Variants in RBFOX1 observed in about 807,000 individuals in gnomAD.
RBFOX1 encodes the protein RNA binding fox-1 homolog 1.
In RBFOX1, 8 loss-of-function variants were observed where a neutral mutation model predicts 57.7. The observed-to-expected ratio is 0.14, with a 90% CI of 0.08 to 0.25. RBFOX1 has a LOEUF of 0.25. Among genes scored for constraint, RBFOX1 ranks in the 10% least tolerant of loss-of-function variants. The pLI, the probability that RBFOX1 is intolerant of heterozygous loss-of-function variation, is 1.00. For missense variants in RBFOX1, 611 were observed against 548.5 expected, an observed-to-expected ratio of 1.11 and a Z score of -1.14; for synonymous variants, 326 against 222.4, an observed-to-expected ratio of 1.47 and a Z score of -4.15.
intron 4 of RBFOX1, among the ~76,000 whole-genome samples, chr16:7,352,249 G>A (rs1250008840): frequency 6.6e-6 from 1 of 152,180 alleles, no homozygotes; most frequent in African/African-American, 2.4e-5. Flanking sequence ...ACTGGATACA[G>A]CTGTGCAGTG....
rs76566679 is a variant in RBFOX1, at chr16:7,111,073, G to C, written c.27+58975G>C. Among the ~76,000 whole-genome samples, 64 of 152,238 alleles carry C rather than the reference G, an allele frequency of 4.2e-4. No individual in the cohort carries two copies. The East Asian group carries it at 0.012, about 28-fold the overall frequency. ...TAAGAAAAAATACTGTTTTTGAAAAGCCAAATAACTGTGGTTCACTATGTC... is the reference window on the plus strand; with the variant it reads ...TAAGAAAAAATACTGTTTTTGAAAACCCAAATAACTGTGGTTCACTATGTC... On this transcript the variant is annotated intron_variant, in intron 4 of 15. Transcript: ENST00000550418.
intron 1 of RBFOX1, among the ~76,000 whole-genome samples, chr16:5,294,733 T>A (rs1355114222): frequency 1.3e-5 from 2 of 151,904 alleles, no homozygotes; most frequent in Non-Finnish European, 2.9e-5. Flanking sequence ...CACTTGGACA[T>A]GGCATAAAAA....
chr16:7,387,366 A>T (rs937675033), intron 4 of RBFOX1, among the ~76,000 whole-genome samples: 5 of 152,172 alleles, frequency 3.3e-5, no homozygotes, highest in Non-Finnish European at 7.4e-5. Flanking sequence ...GCTGATAAAG[A>T]GAGGATGTGG....
intron 3 of RBFOX1, among the ~76,000 whole-genome samples, chr16:5,645,670 G>A (rs78436434): frequency 0.01 from 1,595 of 152,218 alleles, 30 homozygotes; most frequent in African/African-American, 0.036. Context: ...ATTTACATAC[G>A]TATTTTTTGT....
rs115121872 is a variant in RBFOX1 at position 7,050,074 on chromosome 16, A to G, written c.-15-1983A>G. Among the ~76,000 whole-genome samples the G allele has an allele frequency of 7.8e-3, 1,183 of 151,414 alleles. 15 individuals carry two copies. Among genetic ancestry groups the G allele is most frequent in the African/African-American group, 0.027 (1,107 of 41,340 alleles). On this transcript the variant is annotated intron_variant, in intron 3 of 15. Coordinates refer to ENST00000550418, the MANE Select transcript of RBFOX1 (RefSeq NM_018723.4). ...TTCTCTGTCTCAATGAATTTTCCCT[A>G]CTTCATCTTTTAACAGTTTATGGAG... is the stretch of plus-strand genomic sequence containing the variant.
At chr16:6,382,631 G>C (rs2840318) in intron 2 of RBFOX1, among the ~76,000 whole-genome samples, 62 of 152,190 alleles carry the variant, frequency 4.1e-4, no homozygotes, top group Admixed American at 3.0e-3. Flanking sequence ...AGGCTGAGGC[G>C]GGCAGATCAT....
At chr16:7,298,858 G>A (rs1290771157) in intron 4 of RBFOX1, among the ~76,000 whole-genome samples, 4 of 152,154 alleles carry the variant, frequency 2.6e-5, no homozygotes, top group Non-Finnish European at 4.4e-5. Flanking sequence ...GGAGGAGGAC[G>A]AGGAAGACAA....
chr16:7,700,892 T>G (rs924390314), intron 14 of RBFOX1, among the ~76,000 whole-genome samples: 1 of 152,128 alleles, frequency 6.6e-6, no homozygotes, highest in African/African-American at 2.4e-5. Flanking sequence ...TGATCTGATT[T>G]GCCATGGGTA....
At chr16:6,838,141 A>G (rs947920370) in intron 3 of RBFOX1, among the ~76,000 whole-genome samples, 2 of 152,092 alleles carry the variant, frequency 1.3e-5, no homozygotes, top group Non-Finnish European at 2.9e-5. Context: ...AAAGCCCCAC[A>G]TGCATTAAGT....
At chr16:6,689,899 G>A (rs566080921) in intron 3 of RBFOX1, among the ~76,000 whole-genome samples, 15 of 152,300 alleles carry the variant, frequency 9.8e-5, no homozygotes, top group African/African-American at 2.9e-4. Context: ...GCTTGTGAGT[G>A]TGTGCTTGTG....
At chr16:7,609,249 A>G (rs186779279) in intron 10 of RBFOX1, among the ~76,000 whole-genome samples, 2 of 152,268 alleles carry the variant, frequency 1.3e-5, no homozygotes, top group East Asian at 3.9e-4. Flanking sequence ...GAGGAAGGGT[A>G]TGGATGTGAG....
intron 3 of RBFOX1, among the ~76,000 whole-genome samples, chr16:6,993,722 G>C (rs563141130): frequency 7.9e-5 from 12 of 152,234 alleles, no homozygotes; most frequent in African/African-American, 1.4e-4. Context: ...CAATTTGCGT[G>C]TGTTTGGCAG....
intron 1 of RBFOX1, among the ~76,000 whole-genome samples, chr16:6,126,096 A>T (rs748968887): frequency 5.3e-5 from 8 of 152,218 alleles, no homozygotes; most frequent in Non-Finnish European, 1.2e-4. Context: ...GATTTCCAAT[A>T]TGGTGTTTAC....
intron 2 of RBFOX1, among the ~76,000 whole-genome samples, chr16:5,480,713 C>G (rs1461885532): frequency 6.6e-6 from 1 of 152,142 alleles, no homozygotes; most frequent in African/African-American, 2.4e-5. Context: ...TCTTTTGTGA[C>G]TTGCTTTGTT....
chr16:6,710,607 C>T (rs553799044), intron 3 of RBFOX1, among the ~76,000 whole-genome samples: 3 of 152,320 alleles, frequency 2.0e-5, no homozygotes, highest in South Asian at 4.1e-4. Flanking sequence ...CTGAAAGAAG[C>T]CTAATTCAAA....
rs551893006 is a variant in RBFOX1, at chr16:7,490,665, G to T, written c.28-27482G>T. Among the ~76,000 whole-genome samples, 10 of 152,272 alleles carry T rather than the reference G, an allele frequency of 6.6e-5. No homozygotes were observed. In the East Asian group the frequency reaches 1.9e-3, roughly 29 times the overall value. On this transcript the variant is annotated intron_variant, in intron 4 of 15. Transcript: ENST00000550418. ...GAGGAAGAAAACAGATTGTAACTATGGTCTGTGCTAGTTCATAAGTCCAAG... is the reference window on the plus strand; with the variant it reads ...GAGGAAGAAAACAGATTGTAACTATTGTCTGTGCTAGTTCATAAGTCCAAG...
At chr16:7,611,560 C>CA (rs943578276) in intron 10 of RBFOX1, among the ~76,000 whole-genome samples, 5 of 141,298 alleles carry the variant, frequency 3.5e-5, no homozygotes, top group African/African-American at 1.3e-4. Flanking sequence ...GCCTGGGTGA[C>CA]AAGAGCAAAA....
At chr16:7,359,868 C>T (rs1326449962) in intron 4 of RBFOX1, among the ~76,000 whole-genome samples, 1 of 152,068 alleles carries the variant, frequency 6.6e-6, no homozygotes, top group African/African-American at 2.4e-5. Context: ...CCTGTAGTCC[C>T]AGCTGCTGGG....
At chr16:5,811,669 T>A (rs1436801279) in intron 3 of RBFOX1, among the ~76,000 whole-genome samples, 1 of 151,860 alleles carries the variant, frequency 6.6e-6, no homozygotes, top group East Asian at 2.0e-4. Context: ...CTGGGTGGTG[T>A]CCATCTCCTG....
Sources: gnomAD v4.1 joint callset for allele counts (sites outside exome capture counted in the v4.1 genomes callset) on GRCh38, gnomAD v4.1.1 for gene constraint, MANE v1.5 for transcripts, NCBI Gene and HGNC (gene_info 2026-07-23, HGNC 2026-07-21) for gene names.